NLGN1: variants seen among roughly 807,000 people sequenced by gnomAD.
NLGN1 encodes the protein neuroligin-1.
Under a neutral mutation model 65.5 loss-of-function variants are expected in NLGN1, and 12 were observed. The observed-to-expected ratio is 0.18, with a 90% CI of 0.12 to 0.30. The LOEUF is 0.30. NLGN1 is among the 10% of genes least tolerant of loss of function. The probability of loss-of-function intolerance (pLI) is 1.00; values close to 1 mark genes in which losing one functional copy is unlikely to be tolerated. For synonymous variants in NLGN1, 350 were observed against 359.5 expected (o/e 0.97, Z 0.30); for missense variants, 750 against 1,007.1 (o/e 0.74, Z 3.46).
intron 2 of NLGN1, among the ~76,000 whole-genome samples, chr3:173,439,407 G>A (rs543612109): frequency 2.0e-5 from 3 of 152,048 alleles, no homozygotes; most frequent in South Asian, 2.1e-4. Context: ...GAGTAAATGC[G>A]TTATGCTCCT....
At chr3:173,863,126 A>G (rs988457496) in intron 4 of NLGN1, among the ~76,000 whole-genome samples, 1 of 151,672 alleles carries the variant, frequency 6.6e-6, no homozygotes, top group African/African-American at 2.4e-5. Context: ...AATGTGAGCG[A>G]TGGCTGATAA....
intron 4 of NLGN1, among the ~76,000 whole-genome samples, chr3:174,087,759 G>GT (rs1404511611): frequency 1.3e-5 from 2 of 152,056 alleles, no homozygotes; most frequent in Non-Finnish European, 2.9e-5. Context: ...ATAATTGATC[G>GT]TAAGGATCCA....
At position 173,839,791 on chromosome 3, in the gene NLGN1, T is replaced by C. The variant is rs145350886; in HGVS notation, c.646+31959T>C. 2.0e-3 allele frequency among the ~76,000 whole-genome samples: 304 copies of C among 152,212 alleles called. 2 individuals are homozygous for C. The highest frequency in any genetic ancestry group is 6.9e-3 in the African/African-American group (285 of 41,544). ...GCTATGCCTATAATGCTTAAAGCAC[T>C]CAAACATTAGCAGCAATTAAGGAGT... On this transcript the variant is annotated intron_variant, in intron 4 of 6. Coordinates refer to ENST00000457714, the Ensembl canonical transcript of NLGN1.
At chr3:173,634,447 A>T (rs944557054) in intron 3 of NLGN1, among the ~76,000 whole-genome samples, 1 of 152,086 alleles carries the variant, frequency 6.6e-6, no homozygotes, top group Non-Finnish European at 1.5e-5. Flanking sequence ...ACTTATATGC[A>T]TTAGTACATA....
At chr3:174,278,756 A>T in intron 5 of NLGN1, 105 bp from the exon 6 acceptor site, 1 of 866,308 alleles carries the variant, frequency 1.2e-6, no homozygotes, top group Non-Finnish European at 1.6e-6. Flanking sequence ...CTGTTTCTTG[A>T]GCTGTATCTG....
At chr3:173,704,279 A>G (rs1367029295) in intron 3 of NLGN1, among the ~76,000 whole-genome samples, 1 of 152,220 alleles carries the variant, frequency 6.6e-6, no homozygotes, top group African/African-American at 2.4e-5. Context: ...CAAGTCTGTA[A>G]CGATTCTCTT....
At chr3:173,798,967 A>G (rs1714786130) in intron 3 of NLGN1, among the ~76,000 whole-genome samples, 1 of 152,046 alleles carries the variant, frequency 6.6e-6, no homozygotes, top group Non-Finnish European at 1.5e-5. Context: ...GTTTGGAATT[A>G]TAAATATAAT....
chr3:174,275,264 T>TA, intron 4 of NLGN1, 51 bp from the exon 5 acceptor site: 1 of 1,351,026 alleles, frequency 7.4e-7, no homozygotes, highest in African/African-American at 1.4e-5. Flanking sequence ...ATTTGATGTC[T>TA]ATTTGATTCA....
intron 3 of NLGN1, among the ~76,000 whole-genome samples, chr3:173,754,094 G>A (rs1380782283): frequency 2.7e-5 from 4 of 149,150 alleles, no homozygotes; most frequent in Non-Finnish European, 5.9e-5. Context: ...CCCAGAGCGG[G>A]GTAGTGCAGT....
intron 2 of NLGN1, among the ~76,000 whole-genome samples, chr3:173,466,542 G>A (rs1490307124): frequency 6.6e-6 from 1 of 152,054 alleles, no homozygotes; most frequent in Non-Finnish European, 1.5e-5. Context: ...GTTTTGTTTT[G>A]TATGCTAGGT....
chr3:174,003,517 T>A (rs1723724706), intron 4 of NLGN1, among the ~76,000 whole-genome samples: 1 of 152,152 alleles, frequency 6.6e-6, no homozygotes, highest in South Asian at 2.1e-4. Flanking sequence ...AACCAAATGA[T>A]CTGTGGAAAC....
At chr3:174,092,357 G>T (rs1267075009) in intron 4 of NLGN1, among the ~76,000 whole-genome samples, 1 of 152,122 alleles carries the variant, frequency 6.6e-6, no homozygotes, top group Non-Finnish European at 1.5e-5. Flanking sequence ...GTAGGTATAG[G>T]CATAAGATTG....
At chr3:173,599,309 T>C (rs1750050644) in intron 2 of NLGN1, among the ~76,000 whole-genome samples, 1 of 152,180 alleles carries the variant, frequency 6.6e-6, no homozygotes, top group Non-Finnish European at 1.5e-5. Flanking sequence ...GAATACAGTA[T>C]GGCAACAGCA....
chr3:173,548,688 A>C (rs1740327369), intron 2 of NLGN1, among the ~76,000 whole-genome samples: 1 of 152,038 alleles, frequency 6.6e-6, no homozygotes. Flanking sequence ...TGTAGAAAGA[A>C]ATATATGTAT....
intron 4 of NLGN1, among the ~76,000 whole-genome samples, chr3:174,270,165 G>A (rs575083282): frequency 1.2e-4 from 14 of 118,384 alleles, no homozygotes; most frequent in Non-Finnish European, 2.3e-4. Context: ...TTTGAAGTTT[G>A]ATGTAGTCTT....
At chr3:173,547,183 T>G (rs1740013524) in intron 2 of NLGN1, among the ~76,000 whole-genome samples, 1 of 152,180 alleles carries the variant, frequency 6.6e-6, no homozygotes, top group African/African-American at 2.4e-5. Flanking sequence ...CAGCGAATAT[T>G]AGTCTGAATC....
intron 4 of NLGN1, among the ~76,000 whole-genome samples, chr3:174,003,082 A>T (rs1723627368): frequency 6.6e-6 from 1 of 152,116 alleles, no homozygotes; most frequent in East Asian, 1.9e-4. Flanking sequence ...AGTTAACTAG[A>T]AACAAGCTTA....
At chr3:173,994,456 T>G (rs1472770039) in intron 4 of NLGN1, among the ~76,000 whole-genome samples, 4 of 67,400 alleles carry the variant, frequency 5.9e-5, no homozygotes, top group Non-Finnish European at 1.1e-4. Context: ...ATTTTAACCT[T>G]GAGAAAAGCA....
chr3:173,491,305 G>A (rs890214957), intron 2 of NLGN1, among the ~76,000 whole-genome samples: 1 of 151,854 alleles, frequency 6.6e-6, no homozygotes, highest in Admixed American at 6.6e-5. Context: ...TTAGCATGAA[G>A]AGCTGTTGAA....
Sources: gnomAD v4.1 joint callset for allele counts (sites outside exome capture counted in the v4.1 genomes callset) on GRCh38, gnomAD v4.1.1 for gene constraint, MANE v1.5 for transcripts, NCBI Gene and HGNC (gene_info 2026-07-23, HGNC 2026-07-21) for gene names.